PER2: variants seen among roughly 807,000 people sequenced by gnomAD.
PER2 encodes the protein period circadian regulator 2.
A neutral mutation model predicts 121.0 loss-of-function variants in PER2; 66 were observed. The observed-to-expected ratio is 0.55, with a 90% CI of 0.45 to 0.67. The LOEUF is 0.67. PER2 is among the 30% of genes least tolerant of loss of function. The pLI is 0.00. For missense variants in PER2, 1,521 were observed against 1,635.0 expected, an observed-to-expected ratio of 0.93 and a Z score of 1.20; for synonymous variants, 684 against 659.9, an observed-to-expected ratio of 1.04 and a Z score of -0.56.
In PER2 at chr2:238,277,181, A is replaced by G. The variant is rs1366395630; in HGVS notation, c.243T>C (p.Phe81=). ...GTTCAGATTTTGCCATCATCAGGCTAAAGGTATCTGGACTATGAAAACAAA... is the reference window on the plus strand; with the variant it reads ...GTTCAGATTTTGCCATCATCAGGCTGAAGGTATCTGGACTATGAAAACAAA... ...PPDARQSPDT[F]SLMMAKSEHN... is the part of the protein sequence containing the mutation. The change falls in exon 3 of 23, where the codon TTT becomes TTC. Residue 81 remains phenylalanine (F), a synonymous_variant. Coordinates refer to ENST00000254657, the MANE Select transcript of PER2 (RefSeq NM_022817.3). The G allele has an allele frequency of 5.6e-6, 9 of 1,612,340 alleles. No homozygotes were observed. The South Asian group carries it at 7.7e-5, about 14-fold the overall frequency.
chr2:238,275,897 A>G lies in PER2; in HGVS notation c.294T>C (p.Ser98=). The change falls in exon 4 of 23, where the codon AGT becomes AGC. Residue 98 remains serine, a splice_region_variant and synonymous_variant. Coordinates refer to ENST00000254657, the MANE Select transcript of PER2 (RefSeq NM_022817.3). The part of the protein sequence containing the change: ...SEHNPSTSGC[S]SDQSSKVDTH... The stretch of plus-strand genomic sequence containing the variant: ...TGTCCACTTTCGAAGACTGGTCGCT[A>G]CTGCAGGATTCAAGAAAGAGGCAGC... 1 of 1,614,124 alleles carries G rather than the reference A, an allele frequency of 6.2e-7. No homozygotes were observed. Among genetic ancestry groups the G allele is most frequent in the Non-Finnish European group, 8.5e-7 (1 of 1,179,958 alleles).
Position 238,250,542 on chromosome 2 carries a change from G to A in PER2, c.3467+9C>T, listed in dbSNP as rs1251033126. On this transcript the variant is annotated intron_variant, in intron 21 of 22. Transcript: ENST00000254657. ...TCCCCAGGTGCCTAGGAAAACGCTG[G>A]GTGGTTACCGGGAAGGCAGCTGGTA... 1.2e-6 allele frequency: 2 copies of A among 1,605,754 alleles called. No homozygotes were observed. Among genetic ancestry groups the A allele is most frequent in the East Asian group, 2.2e-5 (1 of 44,772 alleles).
chr2:238,297,879 C>T, the PER2 span, among the ~76,000 whole-genome samples: 5 of 152,216 alleles, frequency 3.3e-5, no homozygotes, highest in Admixed American at 1.3e-4. Flanking sequence ...TTGGCGTTCA[C>T]AAGCTGCATG....
intron 10 of PER2, among the ~76,000 whole-genome samples, 175 bp from the exon 11 acceptor site, chr2:238,262,519 G>T (rs1425288664): frequency 6.6e-6 from 1 of 152,156 alleles, no homozygotes; most frequent in Non-Finnish European, 1.5e-5. Context: ...TTACCAGGAG[G>T]CTGTTTCCAG....
chr2:238,299,952 T>C, the PER2 span: 1 of 152,274 alleles, frequency 6.6e-6, no homozygotes, highest in Non-Finnish European at 1.5e-5. Flanking sequence ...TCCAAAGGAA[T>C]TGCAAAGCTA....
intron 8 of PER2, among the ~76,000 whole-genome samples, chr2:238,267,049 TAAAAA>T (rs57177821): frequency 0.023 from 2,406 of 104,548 alleles, 92 homozygotes; most frequent in African/African-American, 0.084. Flanking sequence ...CTCCATCTCT[TAAAAA>T]AAAAAAAAAA....
chr2:238,284,615 T>C (rs1696729348), intron 1 of PER2, among the ~76,000 whole-genome samples: 1 of 152,180 alleles, frequency 6.6e-6, no homozygotes, highest in African/African-American at 2.4e-5. Context: ...TAGAGGAGCA[T>C]CAGGTATCTG....
rs1695416690 is a variant in PER2 at position 238,245,286 on chromosome 2, G to C, written c.*1089C>G. Reference sequence around the variant, plus strand: ...TGACCTAAAAGTGCTGGGGACACTGGCAGAGGCCTGAAGCTGCTCCGAGAG... The same window carrying C: ...TGACCTAAAAGTGCTGGGGACACTGCCAGAGGCCTGAAGCTGCTCCGAGAG... On this transcript the variant is annotated 3_prime_UTR_variant, in exon 23 of 23. Transcript: ENST00000254657. 1 of 317,674 alleles carries C rather than the reference G, an allele frequency of 3.1e-6. No homozygotes were observed. Among genetic ancestry groups the C allele is most frequent in the Non-Finnish European group, 5.7e-6 (1 of 175,004 alleles). 19.7% of individuals were successfully genotyped at this position (317,674 alleles called of 1,614,324 possible).
chr2:238,268,005 T>C lies in PER2; in HGVS notation c.967+51A>G, dbSNP rs753068115. ...GTTATGTGTGAACCACAGGAGTAAC[T>C]GAGGGGGAGCCAGAGACAACATCTG... On this transcript the variant is annotated intron_variant, in intron 8 of 22. Transcript: ENST00000254657. This position sits in a 1 kb window ranked among gnomAD's most constrained non-coding sequence, Gnocchi z 4.0. The C allele has an allele frequency of 8.1e-6, 13 of 1,604,278 alleles. 1 individual carries two copies. The South Asian group carries it at 1.4e-4, about 18-fold the overall frequency.
At chr2:238,274,921 ACC>A (rs1696405761) in intron 4 of PER2, among the ~76,000 whole-genome samples, 1 of 152,114 alleles carries the variant, frequency 6.6e-6, no homozygotes, top group African/African-American at 2.4e-5. Context: ...TGGCAGAGCA[ACC>A]CTTCCACACC....
intron 1 of PER2, among the ~76,000 whole-genome samples, chr2:238,283,641 C>T (rs1333216921): frequency 2.0e-5 from 3 of 152,182 alleles, no homozygotes; most frequent in Admixed American, 6.5e-5. Context: ...GTCAGAACTC[C>T]GATAGGGAAC....
At chr2:238,289,296 C>CTCAT (rs1173874211), upstream of PER2, 12 of 152,352 alleles carry the variant, frequency 7.9e-5, no homozygotes, top group Admixed American at 2.0e-4. Context: ...CATTCATTTA[C>CTCAT]TCATTCACTC....
chr2:238,277,085 T>TC lies in PER2; in HGVS notation c.293+45dup, dbSNP rs776710511. 12 of 1,390,336 alleles carry TC rather than the reference T, an allele frequency of 8.6e-6. No individual in the cohort carries two copies. The South Asian group carries it at 1.4e-4, about 16-fold the overall frequency. 86.1% of individuals were successfully genotyped at this position (1,390,336 alleles called of 1,614,324 possible). On this transcript the variant is annotated intron_variant, in intron 3 of 22. Transcript: ENST00000254657. ...AAACTAACCTCCAATAAGAAGTCTT[T>TC]CAATTTCTCTAAAACCTCTATGTAT...
At chr2:238,280,998 T>C (rs571696743) in intron 1 of PER2, among the ~76,000 whole-genome samples, 4 of 150,092 alleles carry the variant, frequency 2.7e-5, no homozygotes, top group African/African-American at 4.9e-5. Flanking sequence ...CAGAAGACAA[T>C]GTTTACACTT....
rs1436681232 is a variant in PER2 at position 238,253,999 on chromosome 2, CAA to C, written c.2321-299_2321-298del. 1.6e-4 allele frequency among the ~76,000 whole-genome samples: 24 copies of C among 152,174 alleles called. No individual in the cohort carries two copies. The highest frequency in any genetic ancestry group is 4.6e-4 in the African/African-American group (19 of 41,442). On this transcript the variant is annotated intron_variant, in intron 18 of 22. Coordinates refer to ENST00000254657, the MANE Select transcript of PER2 (RefSeq NM_022817.3). The surrounding 1 kb of genome is among the most constrained non-coding windows in gnomAD (Gnocchi z 5.6). ...AATGCTAATATGATAAGTGGTAATACAAAGTTCTATTTGTTAAATAAATACAC... is the reference window on the plus strand; with the variant it reads ...AATGCTAATATGATAAGTGGTAATACAGTTCTATTTGTTAAATAAATACAC...
upstream of PER2, among the ~76,000 whole-genome samples, chr2:238,292,289 G>A (rs1696962177): frequency 6.6e-6 from 1 of 152,252 alleles, no homozygotes; most frequent in Non-Finnish European, 1.5e-5. Context: ...GGTGTGATGT[G>A]CACACACGTG....
chr2:238,253,575 G>A lies in PER2; in HGVS notation c.2448C>T (p.Pro816=), dbSNP rs146565410. 1.4e-4 allele frequency: 224 copies of A among 1,609,362 alleles called. No individual in the cohort carries two copies. The highest frequency in any genetic ancestry group is 1.8e-4 in the Non-Finnish European group (211 of 1,177,952). Residue 816 remains proline (P), a synonymous_variant, in exon 19 of 23, where the codon CCC becomes CCT. Coordinates refer to ENST00000254657, the MANE Select transcript of PER2 (RefSeq NM_022817.3). This position sits in a 1 kb window ranked among gnomAD's most constrained non-coding sequence, Gnocchi z 5.6. ...CCACCAGCGGGGGCCGGGCGGACACGGGCCCCCCAGATCCGGTGCTCTCAG... is the reference window on the plus strand; with the variant it reads ...CCACCAGCGGGGGCCGGGCGGACACAGGCCCCCCAGATCCGGTGCTCTCAG... ...DSSESTGSGG[P]VSARPPLVGL...
chr2:238,271,964 C>T (rs1696304679), intron 5 of PER2, among the ~76,000 whole-genome samples: 1 of 152,158 alleles, frequency 6.6e-6, no homozygotes, highest in African/African-American at 2.4e-5. Flanking sequence ...CACACAGAAA[C>T]ATTCCAAGCT....
At chr2:238,295,383 T>G in the PER2 span, 1 of 152,042 alleles carries the variant, frequency 6.6e-6, no homozygotes, top group African/African-American at 2.4e-5. Flanking sequence ...TTTCTCCTCC[T>G]TCTTCTTCTT....
Sources: gnomAD v4.1 joint callset for allele counts (sites outside exome capture counted in the v4.1 genomes callset) on GRCh38, gnomAD v4.1.1 for gene constraint, Gnocchi (gnomAD v3.1) non-coding constraint, MANE v1.5 for transcripts, NCBI Gene and HGNC (gene_info 2026-07-23, HGNC 2026-07-21) for gene names.